Variants in ERBB4 observed in about 807,000 individuals in gnomAD.
The protein encoded by ERBB4 is erb-b2 receptor tyrosine kinase 4.
ERBB4 carries 42 observed loss-of-function variants against 158.0 expected under a neutral mutation model. That is an observed-to-expected ratio of 0.27 (90% CI 0.21 to 0.34). The LOEUF is 0.34. Among genes scored for constraint, ERBB4 ranks in the 10% least tolerant of loss-of-function variants. The pLI is 1.00. For missense variants in ERBB4, 1,333 were observed against 1,624.1 expected, an observed-to-expected ratio of 0.82 and a Z score of 3.08; for synonymous variants, 583 against 558.7, an observed-to-expected ratio of 1.04 and a Z score of -0.61.
At chr2:212,388,166 A>G (rs957021577) in intron 1 of ERBB4, among the ~76,000 whole-genome samples, 2 of 152,140 alleles carry the variant, frequency 1.3e-5, no homozygotes, top group African/African-American at 4.8e-5. Flanking sequence ...TGTACTAACT[A>G]GAGTTTTATA....
intron 2 of ERBB4, among the ~76,000 whole-genome samples, chr2:211,988,927 T>C (rs931670672): frequency 3.3e-5 from 5 of 152,022 alleles, no homozygotes; most frequent in African/African-American, 1.2e-4. Flanking sequence ...TTGCAATCTA[T>C]TTTTTTCTAA....
At chr2:211,657,354 C>T (rs989631296) in intron 16 of ERBB4, among the ~76,000 whole-genome samples, 3 of 151,690 alleles carry the variant, frequency 2.0e-5, no homozygotes, top group African/African-American at 7.3e-5. Flanking sequence ...ACTAAAAATA[C>T]AAAAATTAGC....
rs768839933 is a variant in ERBB4 at position 211,422,084 on chromosome 2, T to C, written c.2887A>G (p.Ser963Gly). The C allele has an allele frequency of 6.2e-7, 1 of 1,610,722 alleles. No homozygotes were observed. Among genetic ancestry groups the C allele is most frequent in the South Asian group, 1.1e-5 (1 of 91,024 alleles). ...MVKCWMIDAD[S>G]RPKFKELAAE... ...GCCAGTTCCTTAAATTTAGGTCTAC[T>C]GTCAGCATCAATCATCCAACCTGGA... Residue 963 changes from serine (S) to glycine (G), a missense_variant, in exon 24 of 28, where the codon AGT becomes GGT. This residue lies in a region of ERBB4 where 314 missense variants were observed against 437.6 expected (regional missense o/e 0.72). Transcript: ENST00000342788.
rs530928198 is a variant in ERBB4 at position 212,498,086 on chromosome 2, A to C, written c.82+40363T>G. Among the ~76,000 whole-genome samples, 36 of 151,574 alleles carry C rather than the reference A, an allele frequency of 2.4e-4. No individual in the cohort carries two copies. The South Asian group carries it at 5.0e-3, about 21-fold the overall frequency. On this transcript the variant is annotated intron_variant, in intron 1 of 27. Coordinates refer to ENST00000342788, the MANE Select transcript of ERBB4 (RefSeq NM_005235.3). ...CATTTTCATCCTACAGGGAAACAAA[A>C]GCCTTTCTATTGTGTGTGTGTGCAT... is the stretch of plus-strand genomic sequence containing the variant.
intron 19 of ERBB4, among the ~76,000 whole-genome samples, chr2:211,564,390 A>C (rs1418669068): frequency 3.9e-5 from 6 of 152,176 alleles, no homozygotes; most frequent in Non-Finnish European, 8.8e-5. Context: ...ATCTTAAACC[A>C]AAAGAACTGT....
At chr2:212,515,785 C>G (rs1691804679) in intron 1 of ERBB4, among the ~76,000 whole-genome samples, 1 of 151,764 alleles carries the variant, frequency 6.6e-6, no homozygotes, top group African/African-American at 2.4e-5. Context: ...GGTAATGAAC[C>G]ATTAAATACC....
intron 5 of ERBB4, among the ~76,000 whole-genome samples, chr2:211,744,829 A>G (rs1034679924): frequency 5.9e-5 from 9 of 152,222 alleles, no homozygotes; most frequent in African/African-American, 2.2e-4. Context: ...TCTTTTCCCC[A>G]ATGTATGGAA....
intron 1 of ERBB4, among the ~76,000 whole-genome samples, chr2:212,135,524 A>G (rs1559566109): frequency 6.6e-6 from 1 of 152,118 alleles, no homozygotes; most frequent in Non-Finnish European, 1.5e-5. Context: ...GTCTTCAAAT[A>G]TTTTTTCTTA....
At chr2:212,524,580 A>G (rs1204768944) in intron 1 of ERBB4, among the ~76,000 whole-genome samples, 2 of 152,012 alleles carry the variant, frequency 1.3e-5, no homozygotes, top group Non-Finnish European at 2.9e-5. Context: ...CCCTGTCCAC[A>G]TACTAAATTA....
intron 20 of ERBB4, among the ~76,000 whole-genome samples, chr2:211,461,085 G>GA (rs34730738): frequency 0.038 from 5,543 of 147,068 alleles, 139 homozygotes; most frequent in Middle Eastern, 0.08. Context: ...GAGATTGGGG[G>GA]AAAAAAAAAA....
chr2:212,494,610 G>A (rs1027759553), intron 1 of ERBB4, among the ~76,000 whole-genome samples: 8 of 151,912 alleles, frequency 5.3e-5, no homozygotes, highest in African/African-American at 1.4e-4. Flanking sequence ...ATTATAACCC[G>A]AATGGAACCA....
intron 2 of ERBB4, among the ~76,000 whole-genome samples, chr2:211,962,403 T>C (rs1259922584): frequency 6.6e-6 from 1 of 152,146 alleles, no homozygotes; most frequent in African/African-American, 2.4e-5. Context: ...ATATGTCTAA[T>C]GTCAAAGTGT....
chr2:212,208,171 A>T (rs10207206), intron 1 of ERBB4, among the ~76,000 whole-genome samples: 39,808 of 152,004 alleles, frequency 0.26, 6,190 homozygotes, highest in South Asian at 0.44. Flanking sequence ...CTAATTGAGG[A>T]TTAGTCGCTT....
chr2:211,606,127 T>C (rs890077675), intron 19 of ERBB4, among the ~76,000 whole-genome samples: 1 of 152,092 alleles, frequency 6.6e-6, no homozygotes, highest in Non-Finnish European at 1.5e-5. Flanking sequence ...AATAAAAGAA[T>C]GATAATCTAA....
At chr2:212,051,833 CATT>C (rs2077408102) in intron 2 of ERBB4, among the ~76,000 whole-genome samples, 1 of 152,042 alleles carries the variant, frequency 6.6e-6, no homozygotes, top group African/African-American at 2.4e-5. Context: ...TCAGGATTAT[CATT>C]ATTACAATAT....
Position 212,447,400 on chromosome 2 carries a change from A to G in ERBB4, c.82+91049T>C, listed in dbSNP as rs539146847. On this transcript the variant is annotated intron_variant, in intron 1 of 27. Coordinates refer to ENST00000342788, the MANE Select transcript of ERBB4 (RefSeq NM_005235.3). ...AAGCTATTTTTTCTATTTTAAAAAA[A>G]TGTGACTTATTAAACTAATGAGAAC... is the stretch of plus-strand genomic sequence containing the variant. 2.0e-5 allele frequency among the ~76,000 whole-genome samples: 3 copies of G among 151,812 alleles called. No individual in the cohort carries two copies. In the South Asian group the frequency reaches 6.3e-4, roughly 32 times the overall value.
intron 1 of ERBB4, among the ~76,000 whole-genome samples, chr2:212,399,547 T>TATATATAC (rs2091134310): frequency 1.9e-4 from 2 of 10,330 alleles, no homozygotes; most frequent in East Asian, 2.3e-3. Context: ...TATATATACA[T>TATATATAC]ATATATATAT....
intron 14 of ERBB4, 58 bp downstream of exon 14, chr2:211,673,106 C>T: frequency 8.1e-7 from 1 of 1,240,968 alleles, no homozygotes; most frequent in Non-Finnish European, 1.2e-6. Flanking sequence ...AAAATAATAA[C>T]AAACATTCAT....
chr2:212,164,511 T>C (rs1403160495), intron 1 of ERBB4, among the ~76,000 whole-genome samples: 1 of 151,914 alleles, frequency 6.6e-6, no homozygotes, highest in Non-Finnish European at 1.5e-5. Context: ...TTAAATACAA[T>C]GTATCCTTAA....
Sources: allele counts gnomAD v4.1 joint callset (sites outside exome capture counted in the v4.1 genomes callset), GRCh38; gene constraint gnomAD v4.1.1; regional missense constraint gnomAD v4.1.1; transcripts MANE v1.5; gene names NCBI Gene and HGNC (gene_info 2026-07-23, HGNC 2026-07-21).